The following SASH1 variants were observed in gnomAD, a reference collection of about 807,000 sequenced individuals.
SASH1 encodes SAM and SH3 domain-containing protein 1.
In SASH1, 44 loss-of-function variants were observed where a neutral mutation model predicts 125.2. The ratio of observed to expected loss-of-function variants is 0.35; its 90% CI spans 0.28 to 0.45. SASH1 has a LOEUF of 0.45. Among genes scored for constraint, SASH1 ranks in the 20% least tolerant of loss-of-function variants. The pLI, the probability that SASH1 is intolerant of heterozygous loss-of-function variation, is 1.00. For missense variants in SASH1, 1,426 were observed against 1,614.5 expected (o/e 0.88, Z 2.00); for synonymous variants, 639 against 649.1 (o/e 0.98, Z 0.24).
the SASH1 span, among the ~76,000 whole-genome samples, chr6:148,216,112 G>A: frequency 6.6e-6 from 1 of 152,058 alleles, no homozygotes. Context: ...GCCCGCCTCG[G>A]CCTCCCAAAT....
At chr6:148,444,840 C>T (rs775662493) in intron 4 of SASH1, among the ~76,000 whole-genome samples, 5 of 152,128 alleles carry the variant, frequency 3.3e-5, no homozygotes, top group Non-Finnish European at 7.4e-5. Context: ...ATAGCTACTC[C>T]ATAGGCAGAG....
chr6:148,356,468 A>G (rs948235950), intron 1 of SASH1, among the ~76,000 whole-genome samples: 1 of 146,180 alleles, frequency 6.8e-6, no homozygotes, highest in African/African-American at 2.5e-5. Flanking sequence ...GGATTGCTGC[A>G]TCAAATGGTA....
intron 8 of SASH1, chr6:148,512,775 A>G (rs1780219613): frequency 1.0e-6 from 1 of 984,720 alleles, no homozygotes; most frequent in Non-Finnish European, 1.2e-6. Flanking sequence ...CATTTTATCT[A>G]GTAATTTTAG....
chr6:148,365,145 G>GA (rs911867413), intron 1 of SASH1, among the ~76,000 whole-genome samples: 2 of 151,802 alleles, frequency 1.3e-5, no homozygotes, highest in African/African-American at 4.8e-5. Context: ...GAAAGGAGAG[G>GA]AAAAAGAAAA....
intron 9 of SASH1, among the ~76,000 whole-genome samples, chr6:148,517,646 G>A (rs988508964): frequency 2.0e-5 from 3 of 152,154 alleles, no homozygotes; most frequent in South Asian, 4.1e-4. Flanking sequence ...CCTGGGAAGC[G>A]TTTGCTACAT....
intron 16 of SASH1, among the ~76,000 whole-genome samples, chr6:148,538,205 G>T (rs1276795228): frequency 6.6e-6 from 1 of 152,170 alleles, no homozygotes; most frequent in South Asian, 2.1e-4. Context: ...TGTCTGCTGA[G>T]GCTGGGGTCC....
At chr6:148,253,264 C>A in the SASH1 span, among the ~76,000 whole-genome samples, 4 of 152,158 alleles carry the variant, frequency 2.6e-5, no homozygotes, top group Non-Finnish European at 4.4e-5. Flanking sequence ...CATAAATAAA[C>A]CCTCATGTTT....
the SASH1 span, among the ~76,000 whole-genome samples, chr6:148,231,063 A>G: frequency 3.3e-5 from 5 of 152,324 alleles, no homozygotes; most frequent in East Asian, 9.6e-4. Context: ...ACCTAAGATC[A>G]TGAAGGTTTA....
chr6:148,294,320 G>C (rs1015435123), intron 1 of SASH1, among the ~76,000 whole-genome samples: 1 of 152,196 alleles, frequency 6.6e-6, no homozygotes, highest in African/African-American at 2.4e-5. Flanking sequence ...CAGAATCCAG[G>C]AACGGTTGAG....
At chr6:148,286,655 T>C (rs1348756721) in intron 1 of SASH1, among the ~76,000 whole-genome samples, 1 of 152,128 alleles carries the variant, frequency 6.6e-6, no homozygotes, top group Non-Finnish European at 1.5e-5. Context: ...TGTGTGTCTA[T>C]GTCCTAACCC....
chr6:148,319,467 A>T (rs1268571480), intron 1 of SASH1, among the ~76,000 whole-genome samples: 1 of 152,134 alleles, frequency 6.6e-6, no homozygotes. Context: ...CTAAAATATT[A>T]AATGGAAAAC....
At chr6:148,541,842 T>A (rs991382680) in intron 17 of SASH1, among the ~76,000 whole-genome samples, 3 of 152,140 alleles carry the variant, frequency 2.0e-5, no homozygotes, top group African/African-American at 7.2e-5. Context: ...CTATTCAAGG[T>A]TTTCTATCAA....
the SASH1 span, among the ~76,000 whole-genome samples, chr6:148,254,041 A>C: frequency 1.3e-5 from 2 of 152,020 alleles, no homozygotes; most frequent in South Asian, 4.2e-4. Context: ...CTCCATCTCT[A>C]CTAAAAATAC....
intron 2 of SASH1, among the ~76,000 whole-genome samples, chr6:148,396,345 G>C (rs1161212113): frequency 6.6e-6 from 1 of 151,758 alleles, no homozygotes; most frequent in Non-Finnish European, 1.5e-5. Context: ...AGGTGTGGTG[G>C]TGCGCACCTA....
At chr6:148,450,058 A>G (rs1777021380) in intron 4 of SASH1, among the ~76,000 whole-genome samples, 1 of 152,226 alleles carries the variant, frequency 6.6e-6, no homozygotes. Context: ...ATCAAATTTC[A>G]TCATGAGTTT....
the SASH1 span, among the ~76,000 whole-genome samples, chr6:148,205,705 C>G: frequency 6.6e-6 from 1 of 152,202 alleles, no homozygotes; most frequent in African/African-American, 2.4e-5. Context: ...AGGTAGTCAT[C>G]ACAAAAGTGG....
At position 148,474,195 on chromosome 6, in the gene SASH1, G is replaced by T. The variant is rs758321982; in HGVS notation, c.600G>T (p.Met200Ile). Residue 200 changes from methionine (M) to isoleucine (I), a missense_variant, in exon 7 of 20, where the codon ATG (methionine) becomes ATT (isoleucine). Around this residue, in one of 3 missense-constraint regions of SASH1, gnomAD observed 567 missense variants for 575.6 expected, o/e 0.99. Transcript: ENST00000367467. The stretch of plus-strand genomic sequence containing the variant: ...TAATGATGATGGTCAAAGAAAAGAT[G>T]ATCACAATTGAGGAAGCACTTGCTA... ...IQLMMMVKEK[M>I]ITIEEALARL... 4 of 1,606,238 alleles carry T rather than the reference G, an allele frequency of 2.5e-6. No individual in the cohort carries two copies. Among genetic ancestry groups the T allele is most frequent in the Admixed American group, 3.4e-5 (2 of 59,232 alleles).
At chr6:148,220,449 A>G in the SASH1 span, among the ~76,000 whole-genome samples, 2 of 152,214 alleles carry the variant, frequency 1.3e-5, no homozygotes, top group Non-Finnish European at 2.9e-5. Context: ...CCTACCTCTT[A>G]ATACCACCAC....
At chr6:148,428,483 G>C (rs2114968580) in intron 2 of SASH1, among the ~76,000 whole-genome samples, 1 of 152,190 alleles carries the variant, frequency 6.6e-6, no homozygotes, top group Middle Eastern at 3.4e-3. Flanking sequence ...ACAAAAATTA[G>C]CTAGGTGTGG....
Sources: gnomAD v4.1 joint callset for allele counts (sites outside exome capture counted in the v4.1 genomes callset) on GRCh38, gnomAD v4.1.1 for gene constraint, gnomAD v4.1.1 regional missense constraint, MANE v1.5 for transcripts, NCBI Gene and HGNC (gene_info 2026-07-23, HGNC 2026-07-21) for gene names.